The following DNAH5 variants were observed in gnomAD, a reference collection of about 807,000 sequenced individuals.
DNAH5 encodes the protein dynein axonemal heavy chain 5, also known as axonemal beta dynein heavy chain 5.
DNAH5 carries 372 observed loss-of-function variants against 518.2 expected under a neutral mutation model. The ratio of observed to expected loss-of-function variants is 0.72; its 90% CI spans 0.66 to 0.78. The LOEUF is 0.78. Among genes scored for constraint, DNAH5 ranks in the 30% least tolerant of loss-of-function variants. DNAH5 has a pLI of 0.00. For missense variants in DNAH5, 5,523 were observed against 5,687.0 expected (o/e 0.97, Z 0.93); for synonymous variants, 2,039 against 2,025.9 (o/e 1.01, Z -0.17).
intron 21 of DNAH5, among the ~76,000 whole-genome samples, chr5:13,877,482 A>T (rs1771055418): frequency 6.6e-6 from 1 of 152,236 alleles, no homozygotes; most frequent in Admixed American, 6.5e-5. Flanking sequence ...AGTCAGCAAC[A>T]TGGCTGAATA....
intron 1 of DNAH5, among the ~76,000 whole-genome samples, chr5:13,968,544 A>G (rs531351237): frequency 2.6e-5 from 4 of 152,264 alleles, no homozygotes; most frequent in South Asian, 2.1e-4. Context: ...ATTTTGTCCA[A>G]TGCTTTTTCT....
At chr5:13,771,168 T>C in intron 55 of DNAH5, 188 bp from the exon 56 acceptor site, 1 of 597,516 alleles carries the variant, frequency 1.7e-6, no homozygotes, top group Non-Finnish European at 3.0e-6. Flanking sequence ...TTTTCTGTTG[T>C]ATATATAAAA....
intron 9 of DNAH5, among the ~76,000 whole-genome samples, chr5:13,915,398 G>T (rs1200324280): frequency 6.6e-6 from 1 of 151,974 alleles, no homozygotes; most frequent in South Asian, 2.1e-4. Flanking sequence ...GATAAATGGT[G>T]GTTTCATTAT....
chr5:13,810,919 G>A (rs1294350200), intron 44 of DNAH5, among the ~76,000 whole-genome samples: 2 of 152,178 alleles, frequency 1.3e-5, no homozygotes. Flanking sequence ...ATGAGAGCCT[G>A]TCATTTGAAC....
intron 15 of DNAH5, chr5:13,897,983 T>C (rs1272102545): frequency 6.6e-6 from 1 of 152,236 alleles, no homozygotes; most frequent in East Asian, 1.9e-4. Context: ...TAAGAAATTC[T>C]ACTAGCCAGA....
chr5:13,830,104 CT>C lies in DNAH5; in HGVS notation c.6170del (p.Lys2057ArgfsTer15). The C allele has an allele frequency of 1.2e-6, 2 of 1,613,894 alleles. No individual in the cohort carries two copies. The highest frequency in any genetic ancestry group is 8.5e-7 in the Non-Finnish European group (1 of 1,179,918). ...TAAAGATAAAAGACTTTTTGTGCTC[CT>C]TTTTACATGTCAGAATAATGGAAAT... ...QQISIILTCK[K>X]EHKKSFIFTD... On this transcript the variant is annotated frameshift_variant, in exon 37 of 79. Transcript: ENST00000265104. LOFTEE classifies it high-confidence loss of function.
intron 1 of DNAH5, among the ~76,000 whole-genome samples, chr5:14,005,067 G>GCAGCCT (rs1488523614): frequency 2.0e-5 from 3 of 152,062 alleles, no homozygotes; most frequent in African/African-American, 7.2e-5. Flanking sequence ...AAGTCCCTCT[G>GCAGCCT]CAGCCTCAGC....
intron 78 of DNAH5, 57 bp downstream of exon 78, chr5:13,700,583 G>A (rs916416098): frequency 1.5e-5 from 22 of 1,472,542 alleles, no homozygotes; most frequent in Non-Finnish European, 1.9e-5. Context: ...ATCCTGTGTT[G>A]ATAATGTCAT....
intron 38 of DNAH5, among the ~76,000 whole-genome samples, chr5:13,826,537 C>T (rs551006261): frequency 1.3e-5 from 2 of 152,118 alleles, no homozygotes; most frequent in African/African-American, 2.4e-5. Flanking sequence ...TTATAAGGGG[C>T]TTTTCCCCCT....
chr5:13,962,422 T>C (rs1308291776), intron 1 of DNAH5, among the ~76,000 whole-genome samples: 1 of 152,220 alleles, frequency 6.6e-6, no homozygotes, highest in Non-Finnish European at 1.5e-5. Flanking sequence ...ATAGTACACA[T>C]CTTTGTTTTC....
At chr5:13,875,196 G>A (rs948979695) in intron 22 of DNAH5, among the ~76,000 whole-genome samples, 6 of 152,160 alleles carry the variant, frequency 3.9e-5, no homozygotes, top group South Asian at 4.2e-4. Flanking sequence ...GGCCGGGCAC[G>A]GTGGCTCACG....
rs762235569 is a variant in DNAH5 at position 13,792,073 on chromosome 5, T to C, written c.8369A>G (p.Tyr2790Cys). 6 of 1,613,980 alleles carry C rather than the reference T, an allele frequency of 3.7e-6. No homozygotes were observed. Among genetic ancestry groups the C allele is most frequent in the Non-Finnish European group, 5.1e-6 (6 of 1,180,004 alleles). Residue 2790 changes from tyrosine to cysteine, a missense_variant, in exon 50 of 79, where the codon TAT becomes TGT. Physicochemically the swap from Tyr to Cys is radical, Grantham distance 194 (BLOSUM62 -2). Coordinates refer to ENST00000265104, the MANE Select transcript of DNAH5 (RefSeq NM_001369.3). ...AGAAAGATCTCGTAGGTTAAACACA[T>C]AATGGAATTTTGCAGGGGTAGGAAG... ...KMLPTPAKFH[Y>C]VFNLRDLSRV...
chr5:13,759,870 A>T (rs1751538326), intron 60 of DNAH5, among the ~76,000 whole-genome samples: 1 of 152,044 alleles, frequency 6.6e-6, no homozygotes, highest in African/African-American at 2.4e-5. Context: ...TTGAGAAAAG[A>T]TTATTTTTAA....
intron 65 of DNAH5, among the ~76,000 whole-genome samples, chr5:13,741,519 T>C (rs574585452): frequency 6.6e-6 from 1 of 152,184 alleles, no homozygotes; most frequent in African/African-American, 2.4e-5. Flanking sequence ...ATTTCAAATT[T>C]CAGAAAATGT....
chr5:13,820,561 A>C, intron 40 of DNAH5, 62 bp from the exon 41 acceptor site: 5 of 1,593,834 alleles, frequency 3.1e-6, no homozygotes, highest in Non-Finnish European at 4.3e-6. Context: ...ACGGTGGCTC[A>C]CGCCTGTAAT....
At chr5:13,877,692 T>A (rs1771083905) in intron 21 of DNAH5, among the ~76,000 whole-genome samples, 1 of 152,034 alleles carries the variant, frequency 6.6e-6, no homozygotes, top group African/African-American at 2.4e-5. Context: ...AACCAGAGAA[T>A]TGGGAAAGGA....
chr5:13,820,115 A>G (rs984872453), intron 41 of DNAH5, among the ~76,000 whole-genome samples: 5 of 152,168 alleles, frequency 3.3e-5, no homozygotes, highest in Admixed American at 6.5e-5. Flanking sequence ...ATTACATAAC[A>G]TATGTAAAAC....
intron 47 of DNAH5, among the ~76,000 whole-genome samples, chr5:13,802,445 T>G (rs1386540625): frequency 6.6e-6 from 1 of 152,150 alleles, no homozygotes; most frequent in Non-Finnish European, 1.5e-5. Flanking sequence ...ATATAAATAA[T>G]AAACTCCCCC....
chr5:13,734,461 C>T (rs1345579855), intron 68 of DNAH5, among the ~76,000 whole-genome samples: 1 of 152,136 alleles, frequency 6.6e-6, no homozygotes, highest in Non-Finnish European at 1.5e-5. Context: ...GCCCAGGGGA[C>T]ACGGCTGTGA....
Sources: gnomAD v4.1 joint callset for allele counts (sites outside exome capture counted in the v4.1 genomes callset) on GRCh38, gnomAD v4.1.1 for gene constraint, MANE v1.5 for transcripts, NCBI Gene and HGNC (gene_info 2026-07-23, HGNC 2026-07-21) for gene names.